Variants in GBF1 observed in about 807,000 individuals in gnomAD.
GBF1 encodes the protein golgi brefeldin A resistant guanine nucleotide exchange factor 1.
A neutral mutation model predicts 210.5 loss-of-function variants in GBF1; 114 were observed. That is an observed-to-expected ratio of 0.54 (90% confidence interval 0.47 to 0.63). The LOEUF is 0.63. Ranked by LOEUF, GBF1 falls within the 30% of genes least tolerant of loss-of-function variation. The probability of loss-of-function intolerance (pLI) is 0.00; values close to 1 mark genes in which losing one functional copy is unlikely to be tolerated. For missense variants in GBF1, 1,851 were observed against 2,357.7 expected (o/e 0.79, Z 4.45); for synonymous variants, 850 against 889.2 (o/e 0.96, Z 0.78).
intron 3 of GBF1, among the ~76,000 whole-genome samples, chr10:102,261,810 C>T (rs541090053): frequency 1.2e-3 from 183 of 151,914 alleles, no homozygotes; most frequent in South Asian, 2.1e-3. Context: ...TTACTAGAGA[C>T]GGAGTTTCAC....
intron 3 of GBF1, among the ~76,000 whole-genome samples, chr10:102,287,339 A>ATTTTAT (rs1565062394): frequency 3.1e-5 from 2 of 65,210 alleles, no homozygotes; most frequent in Non-Finnish European, 6.1e-5. Context: ...CTTTTATTTT[A>ATTTTAT]TTTTCTTTTT....
intron 3 of GBF1, among the ~76,000 whole-genome samples, chr10:102,269,168 C>G (rs748857370): frequency 8.5e-5 from 13 of 152,188 alleles, no homozygotes; most frequent in Non-Finnish European, 1.9e-4. Context: ...CACTGTAGGT[C>G]GAGTTGTGAA....
At chr10:102,248,523 A>C (rs7080055) in intron 1 of GBF1, among the ~76,000 whole-genome samples, 100,283 of 152,072 alleles carry the variant, frequency 0.66, 33,461 homozygotes, top group African/African-American at 0.76. Context: ...ATGTGCCTAA[A>C]TGCCAGGCAG....
chr10:102,382,208 C>T lies in GBF1; in HGVS notation c.5455C>T (p.Gln1819Ter). The change falls in exon 40 of 40, where the codon CAG becomes TAG. Residue 1819 changes from glutamine to a stop codon, truncating the protein, a stop_gained. Transcript: ENST00000369983. LOFTEE classifies it high-confidence loss of function. ...CCTGCAGCCCTTGGCCTCCCCACTG[C>T]AGGTGGGCGTGCCACCTATGACTCT... ...LILQPLASPLQVGVPPMTLPI... is the reference protein window; with the variant it reads ...LILQPLASPL 6.2e-7 allele frequency: 1 copy of T among 1,614,052 alleles called. No homozygotes were observed. Among genetic ancestry groups the T allele is most frequent in the Non-Finnish European group, 8.5e-7 (1 of 1,179,900 alleles).
intron 30 of GBF1, 56 bp from the exon 31 acceptor site, chr10:102,376,216 C>T (rs2060485463): frequency 7.2e-7 from 1 of 1,392,542 alleles, no homozygotes; most frequent in Non-Finnish European, 1.0e-6. Flanking sequence ...TGATTTATCC[C>T]TCATCCCAGT....
intron 8 of GBF1, 136 bp downstream of exon 8, chr10:102,353,790 C>G: frequency 3.0e-6 from 2 of 656,694 alleles, no homozygotes; most frequent in Non-Finnish European, 2.7e-6. Flanking sequence ...GTAGCTCTCA[C>G]TCCTTTCGTG....
chr10:102,255,513 T>C (rs1456358269), intron 1 of GBF1, among the ~76,000 whole-genome samples: 1 of 152,190 alleles, frequency 6.6e-6, no homozygotes, highest in African/African-American at 2.4e-5. Context: ...TAAAAAAGAA[T>C]ATACAGAGAA....
chr10:102,311,225 G>C (rs1393623528), intron 3 of GBF1, among the ~76,000 whole-genome samples: 2 of 152,212 alleles, frequency 1.3e-5, no homozygotes, highest in South Asian at 4.1e-4. Flanking sequence ...TTGCTGTGGT[G>C]TATACACATG....
At chr10:102,352,433 G>C in intron 6 of GBF1, 25 bp from the exon 7 acceptor site, 1 of 1,529,410 alleles carries the variant, frequency 6.5e-7, no homozygotes, top group Non-Finnish European at 9.1e-7. Context: ...AATGACACCT[G>C]TGTTATTTGT....
chr10:102,329,149 T>C (rs2057134971), intron 3 of GBF1, among the ~76,000 whole-genome samples: 2 of 152,168 alleles, frequency 1.3e-5, no homozygotes, highest in African/African-American at 4.8e-5. Flanking sequence ...GCCAATTTCC[T>C]CTAGAAAGAA....
chr10:102,357,670 G>GA, intron 8 of GBF1, among the ~76,000 whole-genome samples: 1 of 152,158 alleles, frequency 6.6e-6, no homozygotes, highest in Admixed American at 6.5e-5. Flanking sequence ...CAGGGCAAAG[G>GA]AAACCCTGCC....
intron 1 of GBF1, among the ~76,000 whole-genome samples, chr10:102,246,999 T>C (rs941308052): frequency 9.9e-5 from 15 of 152,202 alleles, no homozygotes; most frequent in African/African-American, 3.6e-4. Context: ...CTAATACCTT[T>C]TGGTATGTAG....
chr10:102,231,673 G>T, the GBF1 span: 1 of 1,612,152 alleles, frequency 6.2e-7, no homozygotes. Context: ...CTGGAAGGTC[G>T]CCTCTAGCTC....
intron 3 of GBF1, among the ~76,000 whole-genome samples, chr10:102,291,525 A>AGGAC (rs2076436020): frequency 6.6e-6 from 1 of 152,176 alleles, no homozygotes; most frequent in South Asian, 2.1e-4. Flanking sequence ...AAAAGGCATC[A>AGGAC]GGACTTTTAG....
intron 37 of GBF1, 32 bp downstream of exon 37, chr10:102,380,394 C>T: frequency 6.3e-7 from 1 of 1,579,208 alleles, no homozygotes. Context: ...CTGCCTGCCT[C>T]CTGTCCCACC....
At chr10:102,293,764 GTTTTGTGTTTTTTT>G (rs1403379312) in intron 3 of GBF1, among the ~76,000 whole-genome samples, 701 of 50,914 alleles carry the variant, frequency 0.014, 45 homozygotes, top group Middle Eastern at 0.087. Flanking sequence ...GCTGTAGTAT[GTTTTGTGTTTTTTT>G]TTTTTTTTTT....
chr10:102,301,269 C>G (rs772015), intron 3 of GBF1, among the ~76,000 whole-genome samples: 2 of 151,896 alleles, frequency 1.3e-5, no homozygotes, highest in African/African-American at 4.8e-5. Flanking sequence ...GTGGACACAG[C>G]ACATGTTTCA....
intron 30 of GBF1, 40 bp from the exon 31 acceptor site, chr10:102,376,232 A>C (rs1334977054): frequency 6.4e-7 from 1 of 1,568,450 alleles, no homozygotes; most frequent in East Asian, 2.2e-5. Context: ...CCAGTGCCCC[A>C]TCCCCACCCT....
the GBF1 span, chr10:102,231,227 C>G: frequency 1.4e-4 from 135 of 975,732 alleles, no homozygotes; most frequent in Non-Finnish European, 1.9e-4. Context: ...TGGCTAGAGA[C>G]GGGGTGGGAG....
Sources: allele counts gnomAD v4.1 joint callset (sites outside exome capture counted in the v4.1 genomes callset), GRCh38; gene constraint gnomAD v4.1.1; transcripts MANE v1.5; gene names NCBI Gene and HGNC (gene_info 2026-07-23, HGNC 2026-07-21).